AK5: variants seen among roughly 807,000 people sequenced by gnomAD.
The protein encoded by AK5 is adenylate kinase isoenzyme 5.
AK5 carries 27 observed loss-of-function variants against 69.5 expected under a neutral mutation model. The observed-to-expected ratio is 0.39, with a 90% CI of 0.29 to 0.54. AK5 has a LOEUF of 0.54. AK5 is among the 20% of genes least tolerant of loss of function. The pLI is 0.71. For missense variants in AK5, 531 were observed against 700.4 expected, an observed-to-expected ratio of 0.76 and a Z score of 2.73; for synonymous variants, 260 against 244.4, an observed-to-expected ratio of 1.06 and a Z score of -0.60.
intron 6 of AK5, among the ~76,000 whole-genome samples, chr1:77,408,471 G>T (rs184576812): frequency 6.6e-6 from 1 of 151,912 alleles, no homozygotes; most frequent in Non-Finnish European, 1.5e-5. Context: ...TTTTAATAGG[G>T]TTATTTGTTT....
intron 6 of AK5, among the ~76,000 whole-genome samples, chr1:77,365,497 T>C (rs1197464852): frequency 6.6e-6 from 1 of 152,214 alleles, no homozygotes; most frequent in Non-Finnish European, 1.5e-5. Flanking sequence ...CCCAACCTCT[T>C]TGGCACAAGG....
chr1:77,473,754 AT>A (rs964871566), intron 8 of AK5, among the ~76,000 whole-genome samples: 51 of 152,338 alleles, frequency 3.3e-4, no homozygotes, highest in African/African-American at 1.2e-3. Context: ...TTTGAGAAGG[AT>A]TTTGGAAAAA....
intron 1 of AK5, among the ~76,000 whole-genome samples, chr1:77,286,271 G>A (rs2100639256): frequency 6.6e-6 from 1 of 151,600 alleles, no homozygotes; most frequent in Admixed American, 6.6e-5. Context: ...GAGACATAAA[G>A]GGTGGGTAGG....
chr1:77,407,513 T>C (rs886485606), intron 6 of AK5, among the ~76,000 whole-genome samples: 4 of 152,172 alleles, frequency 2.6e-5, no homozygotes, highest in African/African-American at 9.6e-5. Context: ...GGAAAAGGGA[T>C]TCCAAAGGGG....
At position 77,411,054 on chromosome 1, in the gene AK5, A is replaced by G. The variant is rs141100989; in HGVS notation, c.965A>G (p.Asn322Ser). ...SMAVDNKLFPNKEAAAGSSDL... is the reference protein window; with the variant it reads ...SMAVDNKLFPSKEAAAGSSDL... ...GCAGTTGACAACAAGTTATTTCCAA[A>G]CAAAGAGGCTGCAGCAGGTAAGTCA... Residue 322 changes from asparagine (N) to serine (S), a missense_variant, in exon 7 of 14, where the codon AAC becomes AGC. Coordinates refer to ENST00000354567, the MANE Select transcript of AK5 (RefSeq NM_174858.3). The G allele has an allele frequency of 2.9e-5, 46 of 1,613,578 alleles. No homozygotes were observed. Among genetic ancestry groups the G allele is most frequent in the Non-Finnish European group, 3.8e-5 (45 of 1,179,870 alleles).
intron 8 of AK5, among the ~76,000 whole-genome samples, chr1:77,479,828 G>A (rs1412512550): frequency 6.6e-6 from 1 of 152,102 alleles, no homozygotes; most frequent in African/African-American, 2.4e-5. Context: ...ACAGAAAAAG[G>A]CCAGAACACA....
At chr1:77,370,805 G>A (rs1473210589) in intron 6 of AK5, among the ~76,000 whole-genome samples, 1 of 152,168 alleles carries the variant, frequency 6.6e-6, no homozygotes, top group African/African-American at 2.4e-5. Flanking sequence ...CAGCAGCTTA[G>A]GAACCAGATT....
At chr1:77,336,842 A>G (rs1661388854) in intron 5 of AK5, among the ~76,000 whole-genome samples, 1 of 152,162 alleles carries the variant, frequency 6.6e-6, no homozygotes, top group African/African-American at 2.4e-5. Flanking sequence ...TGGATATGCT[A>G]TTCCAGGGTA....
chr1:77,508,122 C>A (rs944497284), intron 10 of AK5, among the ~76,000 whole-genome samples: 1 of 151,902 alleles, frequency 6.6e-6, no homozygotes, highest in African/African-American at 2.4e-5. Context: ...TGCAAGTATC[C>A]CAAAATAAAA....
rs144711230 is a variant in AK5, at chr1:77,438,582, C to T, written c.1059+20867C>T. Among the ~76,000 whole-genome samples the T allele has an allele frequency of 1.8e-3, 274 of 152,114 alleles. 1 individual carries two copies. The highest frequency in any genetic ancestry group is 3.3e-3 in the Admixed American group (51 of 15,276). ...ACCACTTTGTATGTTTATTTTTGCT[C>T]TGGGAAGATGTTCAAAAGCAAGCAA... On this transcript the variant is annotated intron_variant, in intron 8 of 13. Coordinates refer to ENST00000354567, the MANE Select transcript of AK5 (RefSeq NM_174858.3).
chr1:77,351,691 C>G (rs939098350), intron 6 of AK5, among the ~76,000 whole-genome samples: 1 of 152,142 alleles, frequency 6.6e-6, no homozygotes, highest in Non-Finnish European at 1.5e-5. Context: ...CCCCCTCTCC[C>G]TCCCTCATTG....
chr1:77,427,024 T>C (rs907596356), intron 8 of AK5, among the ~76,000 whole-genome samples: 1 of 152,116 alleles, frequency 6.6e-6, no homozygotes, highest in Non-Finnish European at 1.5e-5. Context: ...TATATTTGTA[T>C]ATACATTGAA....
At chr1:77,365,415 A>G (rs1228108818) in intron 6 of AK5, among the ~76,000 whole-genome samples, 3 of 152,196 alleles carry the variant, frequency 2.0e-5, no homozygotes, top group African/African-American at 4.8e-5. Context: ...GGTTTGGGCA[A>G]TGTTATACTT....
At position 77,282,288 on chromosome 1, in the gene AK5, C is replaced by T. The variant is rs1335007103; in HGVS notation, c.-26C>T. 1.9e-6 allele frequency: 3 copies of T among 1,541,516 alleles called. No homozygotes were observed. Among genetic ancestry groups the T allele is most frequent in the Non-Finnish European group, 2.6e-6 (3 of 1,142,770 alleles). On this transcript the variant is annotated 5_prime_UTR_variant, in exon 1 of 14. Transcript: ENST00000354567. ...CGCAGCCCGGGAGCCTCCCCGCTTG[C>T]GCCCCAAGGCACGCGCGGCACAGCC...
intron 10 of AK5, among the ~76,000 whole-genome samples, chr1:77,499,869 CA>C (rs370388964): frequency 0.32 from 24,999 of 78,584 alleles, 7,231 homozygotes; most frequent in Middle Eastern, 0.44. Context: ...GCCCTTTTTC[CA>C]TTTTTTTTTT....
chr1:77,543,135 C>T (rs1659365527), intron 13 of AK5, among the ~76,000 whole-genome samples: 1 of 152,132 alleles, frequency 6.6e-6, no homozygotes, highest in African/African-American at 2.4e-5. Flanking sequence ...CAGGAGAAGC[C>T]CTATGAATTG....
intron 8 of AK5, among the ~76,000 whole-genome samples, chr1:77,424,618 A>G (rs1651076970): frequency 6.6e-6 from 1 of 152,244 alleles, no homozygotes; most frequent in African/African-American, 2.4e-5. Context: ...ACACTGTAAT[A>G]GAGGTGAAGA....
chr1:77,316,033 G>C (rs1660225436), intron 5 of AK5, among the ~76,000 whole-genome samples: 1 of 152,112 alleles, frequency 6.6e-6, no homozygotes, highest in Admixed American at 6.6e-5. Context: ...GAAGTATGCT[G>C]TTTATAAAAG....
At chr1:77,500,125 C>T (rs549904088) in intron 10 of AK5, among the ~76,000 whole-genome samples, 2 of 152,036 alleles carry the variant, frequency 1.3e-5, no homozygotes, top group East Asian at 3.9e-4. Flanking sequence ...AGAGCAGAGG[C>T]TTGAGGTAAA....
Sources: allele counts gnomAD v4.1 joint callset (sites outside exome capture counted in the v4.1 genomes callset), GRCh38; gene constraint gnomAD v4.1.1; transcripts MANE v1.5; gene names NCBI Gene and HGNC (gene_info 2026-07-23, HGNC 2026-07-21).